The following NBAS variants were observed in gnomAD, a reference collection of about 807,000 sequenced individuals.
NBAS encodes NBAS subunit of NRZ tethering complex, also known as NAG/BC035112 fusion.
Under a neutral mutation model 302.5 loss-of-function variants are expected in NBAS, and 219 were observed. That is an observed-to-expected ratio of 0.72 (90% CI 0.65 to 0.81). NBAS has a LOEUF of 0.81. Ranked by LOEUF, NBAS falls within the 30% of genes least tolerant of loss-of-function variation. The pLI is 0.00. For synonymous variants in NBAS, 1,118 were observed against 1,021.6 expected (o/e 1.09, Z -1.80); for missense variants, 2,932 against 2,841.6 (o/e 1.03, Z -0.72).
At position 15,245,937 on chromosome 2, in the gene NBAS, G is replaced by T. The variant is rs553195535; in HGVS notation, c.5725-7251C>A. ...TTAGCTAAGGGTTGTACAGAAACAG[G>T]CAGTGGGCTAAATTTGACCTGTGGG... is the stretch of plus-strand genomic sequence containing the variant. On this transcript the variant is annotated intron_variant, in intron 44 of 51. Coordinates refer to ENST00000281513, the MANE Select transcript of NBAS (RefSeq NM_015909.4). Among the ~76,000 whole-genome samples the T allele has an allele frequency of 9.9e-5, 15 of 152,264 alleles. No individual in the cohort carries two copies. In the South Asian group the frequency reaches 3.1e-3, roughly 32 times the overall value.
At position 15,238,556 on chromosome 2, in the gene NBAS, G is replaced by A; in HGVS notation, c.5855C>T (p.Ala1952Val). ...TTTCTCCAGATGATTCAAAGTATCTGCATAGGTAACTTTAGAATCCTTAGC... is the reference window on the plus strand; with the variant it reads ...TTTCTCCAGATGATTCAAAGTATCTACATAGGTAACTTTAGAATCCTTAGC... ...QEAKDSKVTYADTLNHLEKSL... is the reference protein window; with the variant it reads ...QEAKDSKVTYVDTLNHLEKSL... The change falls in exon 45 of 52, where the codon GCA (alanine) becomes GTA (valine). Residue 1952 changes from alanine to valine, a missense_variant. Coordinates refer to ENST00000281513, the MANE Select transcript of NBAS (RefSeq NM_015909.4). 1.2e-6 allele frequency: 2 copies of A among 1,614,140 alleles called. No homozygotes were observed. The highest frequency in any genetic ancestry group is 1.7e-6 in the Non-Finnish European group (2 of 1,180,030).
At chr2:15,063,737 A>G in the NBAS span, among the ~76,000 whole-genome samples, 1 of 152,152 alleles carries the variant, frequency 6.6e-6, no homozygotes, top group African/African-American at 2.4e-5. Flanking sequence ...CCATGTGAGG[A>G]CTTCTTACAA....
At chr2:15,440,259 C>G (rs1678295850) in intron 21 of NBAS, among the ~76,000 whole-genome samples, 1 of 152,240 alleles carries the variant, frequency 6.6e-6, no homozygotes, top group African/African-American at 2.4e-5. Context: ...AGACAGCCCC[C>G]AGTAGGGGCA....
At chr2:14,855,099 G>A in the NBAS span, among the ~76,000 whole-genome samples, 1 of 151,998 alleles carries the variant, frequency 6.6e-6, no homozygotes, top group Non-Finnish European at 1.5e-5. Context: ...GCATGATAGG[G>A]CACTGGTCAG....
At chr2:15,330,470 C>T (rs1050006313) in intron 36 of NBAS, 128 bp downstream of exon 36, 3 of 1,263,520 alleles carry the variant, frequency 2.4e-6, no homozygotes, top group African/African-American at 3.0e-5. Flanking sequence ...GAGAGGCCTA[C>T]ATTTCTTAAG....
At chr2:14,951,441 G>A in the NBAS span, among the ~76,000 whole-genome samples, 1 of 152,150 alleles carries the variant, frequency 6.6e-6, no homozygotes, top group African/African-American at 2.4e-5. Context: ...AGTCATGATA[G>A]ATCAATTACC....
chr2:14,847,065 C>A, the NBAS span, among the ~76,000 whole-genome samples: 10 of 152,092 alleles, frequency 6.6e-5, no homozygotes, highest in African/African-American at 2.4e-4. Context: ...CTGTTGCCTA[C>A]AAGAAACACA....
intron 9 of NBAS, among the ~76,000 whole-genome samples, chr2:15,530,850 C>T (rs1198851272): frequency 1.3e-5 from 2 of 151,656 alleles, no homozygotes; most frequent in African/African-American, 4.8e-5. Context: ...TAAACCTACG[C>T]CAAGTCATAA....
rs56108047 is a variant in NBAS at position 15,192,234 on chromosome 2, A to AT, written c.6433-1832dup. On this transcript the variant is annotated intron_variant, in intron 48 of 51. Coordinates refer to ENST00000281513, the MANE Select transcript of NBAS (RefSeq NM_015909.4). ...TGTTAGCTCCTTGAAAGAAGAGGCT[A>AT]TTTTTTTTTTTTTTTTGTCCACTGG... is the stretch of plus-strand genomic sequence containing the variant. Among the ~76,000 whole-genome samples the AT allele has an allele frequency of 6.5e-3, 904 of 138,626 alleles. 5 individuals carry two copies. Among genetic ancestry groups the AT allele is most frequent in the Middle Eastern group, 0.019 (5 of 268 alleles). The allele number at this position is 138,626 out of a possible 152,430, so 90.9% of individuals were successfully genotyped here.
the NBAS span, among the ~76,000 whole-genome samples, chr2:14,847,744 A>G: frequency 1.3e-5 from 2 of 152,208 alleles, no homozygotes. Context: ...AAACCAACGA[A>G]GAAACATCTG....
intron 44 of NBAS, among the ~76,000 whole-genome samples, chr2:15,247,663 ACT>A (rs371241411): frequency 9.4e-5 from 14 of 148,474 alleles, no homozygotes; most frequent in East Asian, 2.0e-4. Context: ...AAGAAGAGCT[ACT>A]CTCTCTCTCT....
the NBAS span, among the ~76,000 whole-genome samples, chr2:14,832,889 C>G: frequency 5.9e-5 from 9 of 152,108 alleles, no homozygotes; most frequent in Non-Finnish European, 1.0e-4. Flanking sequence ...CCATGGAAGG[C>G]AAAATTGTTC....
chr2:15,098,473 A>ATGTT, the NBAS span, among the ~76,000 whole-genome samples: 1 of 77,980 alleles, frequency 1.3e-5, no homozygotes. Context: ...TATTGTATAT[A>ATGTT]ATATGTTATA....
intron 25 of NBAS, among the ~76,000 whole-genome samples, chr2:15,406,113 AAAC>A (rs1178511873): frequency 6.7e-6 from 1 of 150,322 alleles, no homozygotes; most frequent in African/African-American, 2.4e-5. Context: ...TAAAAAAAAA[AAAC>A]AAAACAAAAA....
Position 15,232,503 on chromosome 2 carries a change from C to G in NBAS, c.6155G>C (p.Ser2052Thr). The change falls in exon 47 of 52, where the codon AGT becomes ACT. Residue 2052 changes from serine (S) to threonine (T), a missense_variant. Physicochemically the swap from Ser to Thr is moderately conservative, Grantham distance 58. Coordinates refer to ENST00000281513, the MANE Select transcript of NBAS (RefSeq NM_015909.4). ...GTCCCTTGGCCCACCAAGGTCAGCA[C>G]TGCCACCACTGTGAAAAGAGAGATA... Reference protein sequence around the residue: ...MKIISALSGGSADLGGPRDPL... With the variant: ...MKIISALSGGTADLGGPRDPL... The G allele has an allele frequency of 6.2e-7, 1 of 1,613,614 alleles. No individual in the cohort carries two copies. The highest frequency in any genetic ancestry group is 8.5e-7 in the Non-Finnish European group (1 of 1,179,842).
At chr2:15,187,305 T>G (rs371770513) in intron 49 of NBAS, among the ~76,000 whole-genome samples, 1 of 152,212 alleles carries the variant, frequency 6.6e-6, no homozygotes, top group South Asian at 2.1e-4. Context: ...GAATGATGTA[T>G]GTAATTGTGA....
chr2:14,904,068 A>C, the NBAS span, among the ~76,000 whole-genome samples: 10 of 152,344 alleles, frequency 6.6e-5, no homozygotes, highest in African/African-American at 2.4e-4. Flanking sequence ...GTGTTTTCAC[A>C]TTTTATAATT....
the NBAS span, among the ~76,000 whole-genome samples, chr2:14,841,664 C>T: frequency 6.6e-6 from 1 of 151,790 alleles, no homozygotes; most frequent in African/African-American, 2.4e-5. Context: ...TCAATACAGT[C>T]AACACCAAAG....
chr2:15,006,663 T>C, the NBAS span, among the ~76,000 whole-genome samples: 21 of 152,336 alleles, frequency 1.4e-4, no homozygotes, highest in Admixed American at 1.4e-3. Flanking sequence ...ATAAGCTTTA[T>C]TTAATACATA....
Sources: allele counts gnomAD v4.1 joint callset (sites outside exome capture counted in the v4.1 genomes callset), GRCh38; gene constraint gnomAD v4.1.1; transcripts MANE v1.5; gene names NCBI Gene and HGNC (gene_info 2026-07-23, HGNC 2026-07-21).